The following GNAL variants were observed in gnomAD, a reference collection of about 807,000 sequenced individuals.
GNAL encodes guanine nucleotide-binding protein G(olf) subunit alpha.
Under a neutral mutation model 55.1 loss-of-function variants are expected in GNAL, and 18 were observed. The observed-to-expected ratio is 0.33, with a 90% CI of 0.23 to 0.48. The LOEUF is 0.48. Among genes scored for constraint, GNAL ranks in the 20% least tolerant of loss-of-function variants. The pLI is 0.99. For synonymous variants in GNAL, 253 were observed against 237.0 expected (o/e 1.07, Z -0.62); for missense variants, 412 against 614.1 (o/e 0.67, Z 3.48).
In GNAL at chr18:11,751,819, GC is replaced by G. The variant is rs1406359734; in HGVS notation, c.377-1032del. 9.0e-6 allele frequency: 2 copies of G among 223,228 alleles called. No homozygotes were observed. Among genetic ancestry groups the G allele is most frequent in the Non-Finnish European group, 1.5e-5 (2 of 132,996 alleles). The allele number at this position is 223,228 out of a possible 1,614,324, so 13.8% of individuals were successfully genotyped here. A position where few individuals can be genotyped will look rare whatever the true frequency, so the allele number is the denominator to read the frequency against. ...AGCGGCCCGGCCGCCCCCAAAGCCAGCCTCCCTCTCCCTTCCCCGCACCGGG... is the reference window on the plus strand; with the variant it reads ...AGCGGCCCGGCCGCCCCCAAAGCCAGCTCCCTCTCCCTTCCCCGCACCGGG... On this transcript the variant is annotated intron_variant, in intron 1 of 11. Transcript: ENST00000334049. The surrounding 1 kb of genome is among the most constrained non-coding windows in gnomAD (Gnocchi z 4.5).
At chr18:11,699,357 G>C (rs887647279) in intron 1 of GNAL, among the ~76,000 whole-genome samples, 6 of 151,466 alleles carry the variant, frequency 4.0e-5, no homozygotes, top group African/African-American at 1.5e-4. Context: ...ACCACACCTG[G>C]CTAATTTTTG....
intron 5 of GNAL, chr18:11,854,362 C>A (rs570447622): frequency 6.0e-6 from 1 of 167,046 alleles, no homozygotes; most frequent in East Asian, 1.9e-4. Context: ...CACTACAGGC[C>A]CATGAATTAC....
At chr18:11,742,115 C>T (rs1368790771) in intron 1 of GNAL, among the ~76,000 whole-genome samples, 1 of 152,214 alleles carries the variant, frequency 6.6e-6, no homozygotes, top group East Asian at 1.9e-4. Context: ...ATCACATGTG[C>T]ATTTTTGTAC....
At chr18:11,849,501 C>CAAAAAA (rs71172025) in intron 5 of GNAL, among the ~76,000 whole-genome samples, 1 of 130,476 alleles carries the variant, frequency 7.7e-6, no homozygotes, top group African/African-American at 3.2e-5. Flanking sequence ...GATTTCATCT[C>CAAAAAA]AAAAAAAAAA....
chr18:11,743,030 G>C (rs1173401497), intron 1 of GNAL, among the ~76,000 whole-genome samples: 2 of 152,138 alleles, frequency 1.3e-5, no homozygotes, highest in East Asian at 1.9e-4. Context: ...TTTCCTTTTT[G>C]TGTGGACACG....
At chr18:11,742,561 C>T (rs76173175) in intron 1 of GNAL, among the ~76,000 whole-genome samples, 3 of 152,240 alleles carry the variant, frequency 2.0e-5, no homozygotes, top group South Asian at 2.1e-4. Flanking sequence ...GAAAAGTTTC[C>T]GTGCCAAGAA....
At chr18:11,788,897 G>GAAAAAAAAAAAAAA (rs1162398867) in intron 4 of GNAL, among the ~76,000 whole-genome samples, 16 of 82,502 alleles carry the variant, frequency 1.9e-4, no homozygotes, top group East Asian at 4.2e-4. Flanking sequence ...ACTCCGTCTC[G>GAAAAAAAAAAAAAA]AAAAAAAAAA....
chr18:11,834,294 G>A (rs2035453121), intron 5 of GNAL, among the ~76,000 whole-genome samples: 1 of 152,292 alleles, frequency 6.6e-6, no homozygotes, highest in East Asian at 1.9e-4. Context: ...GGGCGTGTGG[G>A]AACATCCTGA....
At chr18:11,723,701 G>GC (rs2032148311) in intron 1 of GNAL, among the ~76,000 whole-genome samples, 3 of 152,158 alleles carry the variant, frequency 2.0e-5, no homozygotes, top group African/African-American at 7.2e-5. Context: ...AGGAAGCCCA[G>GC]CCCCCTCCCG....
chr18:11,691,280 G>A (rs1038228376), intron 1 of GNAL, among the ~76,000 whole-genome samples: 3 of 151,042 alleles, frequency 2.0e-5, no homozygotes, highest in Non-Finnish European at 3.0e-5. Flanking sequence ...GTCTGTTCAT[G>A]TCCTTTGCCC....
intron 4 of GNAL, among the ~76,000 whole-genome samples, chr18:11,781,947 G>T (rs1318119169): frequency 3.9e-5 from 6 of 152,120 alleles, no homozygotes; most frequent in African/African-American, 1.4e-4. Flanking sequence ...ACAAGAAACT[G>T]GAAACAACCC....
At position 11,885,607 on chromosome 18, in the gene GNAL, A is replaced by C. The variant is rs954245747; in HGVS notation, c.*4472A>C. ...AAATTTTGACCGATTGCAGCAATTA[A>C]ATAGTTGATTACTGTGTTGATTTAA... is the stretch of plus-strand genomic sequence containing the variant. On this transcript the variant is annotated 3_prime_UTR_variant, in exon 12 of 12. Transcript: ENST00000334049. 80 of 1,541,110 alleles carry C rather than the reference A, an allele frequency of 5.2e-5. No homozygotes were observed. Among genetic ancestry groups the C allele is most frequent in the Non-Finnish European group, 6.9e-5 (78 of 1,132,008 alleles).
chr18:11,823,167 G>A (rs1568043321), intron 4 of GNAL, among the ~76,000 whole-genome samples: 1 of 152,116 alleles, frequency 6.6e-6, no homozygotes, highest in Non-Finnish European at 1.5e-5. Flanking sequence ...TGTGACGTGT[G>A]CGTGTGTATG....
chr18:11,846,541 C>T (rs549168975), intron 5 of GNAL, among the ~76,000 whole-genome samples: 1 of 151,070 alleles, frequency 6.6e-6, no homozygotes, highest in Non-Finnish European at 1.5e-5. Context: ...GATTATAGCT[C>T]ATTGTAGTCT....
At chr18:11,778,162 G>C (rs932750718) in intron 4 of GNAL, among the ~76,000 whole-genome samples, 1 of 152,198 alleles carries the variant, frequency 6.6e-6, no homozygotes, top group Non-Finnish European at 1.5e-5. Flanking sequence ...GAGGAAGGGA[G>C]GGAGAGCTGT....
intron 4 of GNAL, among the ~76,000 whole-genome samples, chr18:11,816,768 C>G (rs1396489807): frequency 2.0e-5 from 3 of 150,096 alleles, no homozygotes; most frequent in African/African-American, 7.4e-5. Context: ...GAGCCAAGAT[C>G]GTGCCACTGC....
intron 1 of GNAL, among the ~76,000 whole-genome samples, chr18:11,706,060 A>G (rs938312539): frequency 6.6e-6 from 1 of 152,072 alleles, no homozygotes; most frequent in African/African-American, 2.4e-5. Context: ...AAGACATGTC[A>G]TTAGCCCATT....
intron 5 of GNAL, among the ~76,000 whole-genome samples, chr18:11,842,149 T>A (rs774099627): frequency 9.9e-5 from 15 of 151,818 alleles, no homozygotes; most frequent in Admixed American, 2.0e-4. Context: ...ATTTTGTATA[T>A]GTTTTTTTTT....
intron 4 of GNAL, among the ~76,000 whole-genome samples, chr18:11,811,804 A>G (rs1022908618): frequency 3.7e-4 from 57 of 152,246 alleles, no homozygotes; most frequent in African/African-American, 1.3e-3. Context: ...CGGAGTGACT[A>G]AAAAGACCAA....
Sources: gnomAD v4.1 joint callset for allele counts (sites outside exome capture counted in the v4.1 genomes callset) on GRCh38, gnomAD v4.1.1 for gene constraint, Gnocchi (gnomAD v3.1) non-coding constraint, MANE v1.5 for transcripts, NCBI Gene and HGNC (gene_info 2026-07-23, HGNC 2026-07-21) for gene names.